ARID3A: variants seen among roughly 807,000 people sequenced by gnomAD.
The protein encoded by ARID3A is AT-rich interactive domain-containing protein 3A.
Under a neutral mutation model 52.7 loss-of-function variants are expected in ARID3A, and 11 were observed. The ratio of observed to expected loss-of-function variants is 0.21; its 90% CI spans 0.13 to 0.35. The LOEUF (loss-of-function observed/expected upper bound fraction) is 0.35. Ranked by LOEUF, ARID3A falls within the 10% of genes least tolerant of loss-of-function variation. The pLI is 1.00. For synonymous variants in ARID3A, 404 were observed against 359.4 expected, an observed-to-expected ratio of 1.12 and a Z score of -1.40; for missense variants, 721 against 838.5, an observed-to-expected ratio of 0.86 and a Z score of 1.73.
chr19:943,945 A>G (rs2037614825), intron 3 of ARID3A, among the ~76,000 whole-genome samples: 1 of 144,240 alleles, frequency 6.9e-6, no homozygotes, highest in Admixed American at 6.9e-5. Flanking sequence ...TGCCAGCCCG[A>G]CCCTCTCATG....
At chr19:927,511 G>A (rs1009465557) in intron 1 of ARID3A, among the ~76,000 whole-genome samples, 1 of 152,046 alleles carries the variant, frequency 6.6e-6, no homozygotes, top group Non-Finnish European at 1.5e-5. Flanking sequence ...GGCTCGGAGC[G>A]GGCTGGTGGG....
At chr19:927,250 C>G (rs544653245) in intron 1 of ARID3A, among the ~76,000 whole-genome samples, 1 of 152,198 alleles carries the variant, frequency 6.6e-6, no homozygotes, top group South Asian at 2.1e-4. Flanking sequence ...CCCAGCGCCC[C>G]GTCCCAGCCT....
At position 944,714 on chromosome 19, in the gene ARID3A, C is replaced by T. The variant is rs768093222; in HGVS notation, c.693+11972C>T. ...AGTCATAGCTCACTGCAGCCTCGAC[C>T]TCCCGGGCTCCGGTGATCTTCCCGT... is the stretch of plus-strand genomic sequence containing the variant. On this transcript the variant is annotated intron_variant, in intron 3 of 8. Coordinates refer to ENST00000263620, the MANE Select transcript of ARID3A (RefSeq NM_005224.3). This position sits in a 1 kb window ranked among gnomAD's most constrained non-coding sequence, Gnocchi z 5.9. Among the ~76,000 whole-genome samples the T allele has an allele frequency of 6.6e-6, 1 of 152,196 alleles. No individual in the cohort carries two copies. Among genetic ancestry groups the T allele is most frequent in the Admixed American group, 6.5e-5 (1 of 15,270 alleles).
intron 3 of ARID3A, among the ~76,000 whole-genome samples, chr19:955,461 G>A (rs968919482): frequency 1.6e-4 from 24 of 152,196 alleles, no homozygotes; most frequent in Admixed American, 2.0e-4. Context: ...CCTCGCCACC[G>A]GCCCAGTTCG....
At position 938,670 on chromosome 19, in the gene ARID3A, G is replaced by A. The variant is rs2037484528; in HGVS notation, c.693+5928G>A. Among the ~76,000 whole-genome samples, 1 of 152,150 alleles carries A rather than the reference G, an allele frequency of 6.6e-6. No individual in the cohort carries two copies. The highest frequency in any genetic ancestry group is 2.4e-5 in the African/African-American group (1 of 41,446). On this transcript the variant is annotated intron_variant, in intron 3 of 8. Transcript: ENST00000263620. The surrounding 1 kb of genome is among the most constrained non-coding windows in gnomAD (Gnocchi z 4.0). Reference sequence around the variant, plus strand: ...GCTGTCCTCATATCCAGGCCTCCGGGCCTGACAGCTGGGCGTGTGTGGGCA... The same window carrying A: ...GCTGTCCTCATATCCAGGCCTCCGGACCTGACAGCTGGGCGTGTGTGGGCA...
At chr19:940,154 C>A (rs1007509910) in intron 3 of ARID3A, among the ~76,000 whole-genome samples, 2 of 152,094 alleles carry the variant, frequency 1.3e-5, no homozygotes, top group Admixed American at 1.3e-4. Flanking sequence ...AGGGCAGGGC[C>A]TGCCTCTGGG....
At chr19:939,735 G>A (rs986691269) in intron 3 of ARID3A, among the ~76,000 whole-genome samples, 1 of 152,230 alleles carries the variant, frequency 6.6e-6, no homozygotes, top group Admixed American at 6.5e-5. Flanking sequence ...TCCCCTCGTG[G>A]CGCTGGACAC....
rs112415741 is a variant in ARID3A at position 949,278 on chromosome 19, G to T, written c.694-10814G>T. On this transcript the variant is annotated intron_variant, in intron 3 of 8. Transcript: ENST00000263620. ...TGGGTGCCTGTGTGGAGGGGGAGGTGCCAAGGCCCCCAGGGACCCTGCCCA... is the reference window on the plus strand; with the variant it reads ...TGGGTGCCTGTGTGGAGGGGGAGGTTCCAAGGCCCCCAGGGACCCTGCCCA... Among the ~76,000 whole-genome samples, 1,354 of 152,196 alleles carry T rather than the reference G, an allele frequency of 8.9e-3. 11 individuals are homozygous for T. Among genetic ancestry groups the T allele is most frequent in the South Asian group, 0.039 (186 of 4,820 alleles).
chr19:959,985 G>GA lies in ARID3A; in HGVS notation c.694-107_694-106insA. 1.1e-6 allele frequency: 1 copy of GA among 917,514 alleles called. No individual in the cohort carries two copies. Among genetic ancestry groups the GA allele is most frequent in the South Asian group, 1.9e-5 (1 of 53,376 alleles). The allele number at this position is 917,514 out of a possible 1,614,324, so 56.8% of individuals were successfully genotyped here. ...CAGCGGCTTGAGGGTCCTAGGGGTGGTGACCCCTGCTCCTGTCCTCCTGAC... is the reference window on the plus strand; with the variant it reads ...CAGCGGCTTGAGGGTCCTAGGGGTGGATGACCCCTGCTCCTGTCCTCCTGAC... On this transcript the variant is annotated intron_variant, in intron 3 of 8. Coordinates refer to ENST00000263620, the MANE Select transcript of ARID3A (RefSeq NM_005224.3). The surrounding 1 kb of genome is among the most constrained non-coding windows in gnomAD (Gnocchi z 5.0).
At chr19:969,537 T>C (rs1377449874) in intron 8 of ARID3A, among the ~76,000 whole-genome samples, 1 of 151,482 alleles carries the variant, frequency 6.6e-6, no homozygotes, top group Non-Finnish European at 1.5e-5. Context: ...ATCCCGTCCT[T>C]CTCTCTCTCT....
In ARID3A at chr19:964,689, C is replaced by A. The variant is rs1166560458; in HGVS notation, c.951-144C>A. 2.2e-6 allele frequency: 3 copies of A among 1,381,948 alleles called. No homozygotes were observed. The East Asian group carries it at 7.5e-5, about 35-fold the overall frequency. The allele number at this position is 1,381,948 out of a possible 1,614,324, so 85.6% of individuals were successfully genotyped here. On this transcript the variant is annotated intron_variant, in intron 5 of 8. Transcript: ENST00000263620. This position sits in a 1 kb window ranked among gnomAD's most constrained non-coding sequence, Gnocchi z 5.7. The stretch of plus-strand genomic sequence containing the variant: ...TTGAGATGGAGGGAATGGGCAAAGG[C>A]CCAGCAGCTCTGGGGGCTGCTGAGC...
chr19:961,329 G>A (rs892530241), intron 4 of ARID3A, among the ~76,000 whole-genome samples: 3 of 151,868 alleles, frequency 2.0e-5, no homozygotes, highest in Non-Finnish European at 4.4e-5. Context: ...TGGGCCCCCT[G>A]GCCCACACTG....
At chr19:954,630 A>G (rs953101429) in intron 3 of ARID3A, among the ~76,000 whole-genome samples, 1 of 152,090 alleles carries the variant, frequency 6.6e-6, no homozygotes, top group African/African-American at 2.4e-5. Flanking sequence ...GCCGTGAGCC[A>G]GAAACCCCGT....
At chr19:965,587 A>C (rs1440411488) in intron 6 of ARID3A, among the ~76,000 whole-genome samples, 1 of 151,690 alleles carries the variant, frequency 6.6e-6, no homozygotes, top group Non-Finnish European at 1.5e-5. Flanking sequence ...CCAGCTACCC[A>C]GGAAGCTGAG....
chr19:948,157 C>G (rs1202036286), intron 3 of ARID3A, among the ~76,000 whole-genome samples: 1 of 151,968 alleles, frequency 6.6e-6, no homozygotes, highest in Non-Finnish European at 1.5e-5. Flanking sequence ...CACAGCCCAC[C>G]CGCCCCAGCT....
At chr19:954,663 G>A (rs923033181) in intron 3 of ARID3A, among the ~76,000 whole-genome samples, 5 of 152,070 alleles carry the variant, frequency 3.3e-5, no homozygotes, top group Admixed American at 6.6e-5. Context: ...CGGTAAAGGT[G>A]GGTGGGAGCA....
At chr19:957,242 C>T (rs925014611) in intron 3 of ARID3A, among the ~76,000 whole-genome samples, 3 of 152,128 alleles carry the variant, frequency 2.0e-5, no homozygotes, top group African/African-American at 4.8e-5. Context: ...CAGAGGCGGT[C>T]GGTGGCTCAT....
At chr19:931,251 A>G (rs2037320669) in intron 2 of ARID3A, among the ~76,000 whole-genome samples, 1 of 151,896 alleles carries the variant, frequency 6.6e-6, no homozygotes, top group South Asian at 2.1e-4. Context: ...CTGTGATCAC[A>G]CCACTGCACT....
At chr19:926,747 G>A (rs1048042187) in intron 1 of ARID3A, among the ~76,000 whole-genome samples, 3 of 151,220 alleles carry the variant, frequency 2.0e-5, no homozygotes, top group African/African-American at 7.3e-5. Flanking sequence ...CCCCTGACCC[G>A]TTTCAGGGCC....
Sources: gnomAD v4.1 joint callset for allele counts (sites outside exome capture counted in the v4.1 genomes callset) on GRCh38, gnomAD v4.1.1 for gene constraint, Gnocchi (gnomAD v3.1) non-coding constraint, MANE v1.5 for transcripts, NCBI Gene and HGNC (gene_info 2026-07-23, HGNC 2026-07-21) for gene names.